Variants in TCF7L2 observed in about 807,000 individuals in gnomAD.
TCF7L2 encodes the protein transcription factor 7 like 2.
Under a neutral mutation model 77.9 loss-of-function variants are expected in TCF7L2, and 23 were observed. That is an observed-to-expected ratio of 0.30 (90% CI 0.21 to 0.42). The LOEUF (loss-of-function observed/expected upper bound fraction) is 0.42. TCF7L2 is among the 10% of genes least tolerant of loss of function. The pLI is 1.00. For synonymous variants in TCF7L2, 413 were observed against 340.2 expected (o/e 1.21, Z -2.36); for missense variants, 654 against 793.1 (o/e 0.82, Z 2.11).
chr10:113,015,470 G>A (rs2047182309), intron 4 of TCF7L2, among the ~76,000 whole-genome samples: 1 of 115,504 alleles, frequency 8.7e-6, no homozygotes, highest in South Asian at 2.8e-4. Flanking sequence ...TTTTTTTTGA[G>A]ATCAGGTTCA....
At chr10:113,099,853 A>G (rs571278352) in intron 5 of TCF7L2, among the ~76,000 whole-genome samples, 30 of 150,512 alleles carry the variant, frequency 2.0e-4, no homozygotes, top group African/African-American at 4.9e-4. Flanking sequence ...GAAATTGGAG[A>G]GGAGGGGAGG....
intron 5 of TCF7L2, among the ~76,000 whole-genome samples, chr10:113,055,231 A>C (rs1348085049): frequency 6.6e-6 from 1 of 152,232 alleles, no homozygotes; most frequent in Non-Finnish European, 1.5e-5. Context: ...TGGATCAATG[A>C]GTATTTCCAT....
rs144831918 is a variant in TCF7L2 at position 113,164,189 on chromosome 10, A to C, written c.1392-1366A>C. ...TCCTTACCAAATACCATCCCATCAG[A>C]CTGGGATTAATGGGAGGAGAAGCTT... is the stretch of plus-strand genomic sequence containing the variant. On this transcript the variant is annotated intron_variant, in intron 13 of 13. Coordinates refer to ENST00000627217, the MANE Select transcript of TCF7L2 (RefSeq NM_001146274.2). Among the ~76,000 whole-genome samples, 196 of 152,230 alleles carry C rather than the reference A, an allele frequency of 1.3e-3. 1 individual carries two copies. The highest frequency in any genetic ancestry group is 4.5e-3 in the African/African-American group (187 of 41,530).
chr10:113,124,947 T>A lies in TCF7L2; in HGVS notation c.553-16237T>A, dbSNP rs1337054204. Among the ~76,000 whole-genome samples the A allele has an allele frequency of 1.3e-5, 2 of 151,930 alleles. 1 individual carries two copies. Among genetic ancestry groups the A allele is most frequent in the Non-Finnish European group, 2.9e-5 (2 of 67,980 alleles). On this transcript the variant is annotated intron_variant, in intron 5 of 13. Coordinates refer to ENST00000627217, the MANE Select transcript of TCF7L2 (RefSeq NM_001146274.2). ...GCATGTATCAGAGGCTTTCGTTGAG[T>A]TGTGTTGTTTCCTGTGTGTTTATGA...
At chr10:113,107,536 A>G (rs1018261532) in intron 5 of TCF7L2, among the ~76,000 whole-genome samples, 3 of 151,340 alleles carry the variant, frequency 2.0e-5, no homozygotes, top group African/African-American at 2.4e-5. Flanking sequence ...GAGGTCAGGA[A>G]ATCGAGACCA....
intron 5 of TCF7L2, among the ~76,000 whole-genome samples, chr10:113,054,152 T>A (rs1332002731): frequency 6.6e-6 from 1 of 152,180 alleles, no homozygotes; most frequent in Non-Finnish European, 1.5e-5. Flanking sequence ...TATGAACTCA[T>A]GGCAAAAGAA....
At chr10:112,960,506 C>G (rs573300885) in intron 3 of TCF7L2, among the ~76,000 whole-genome samples, 1 of 152,052 alleles carries the variant, frequency 6.6e-6, no homozygotes, top group East Asian at 1.9e-4. Flanking sequence ...ATGGAAAATA[C>G]GCTGGAGTTC....
chr10:113,002,110 T>G (rs1038477809), intron 4 of TCF7L2, among the ~76,000 whole-genome samples: 1 of 152,164 alleles, frequency 6.6e-6, no homozygotes, highest in Non-Finnish European at 1.5e-5. Flanking sequence ...AAGGAAAAAC[T>G]GTGACTTATG....
At chr10:112,964,097 G>A (rs914236866) in intron 3 of TCF7L2, among the ~76,000 whole-genome samples, 9 of 152,106 alleles carry the variant, frequency 5.9e-5, no homozygotes, top group Non-Finnish European at 1.0e-4. Context: ...GAAATATGGG[G>A]ATGGGGTGCT....
intron 4 of TCF7L2, among the ~76,000 whole-genome samples, chr10:112,998,186 A>G (rs372854862): frequency 6.6e-5 from 10 of 150,626 alleles, no homozygotes; most frequent in African/African-American, 2.2e-4. Context: ...AGGTGCTCTC[A>G]CCTCAGCCTC....
intron 5 of TCF7L2, among the ~76,000 whole-genome samples, chr10:113,053,189 AAGTG>A (rs1451052672): frequency 2.0e-5 from 3 of 152,142 alleles, no homozygotes; most frequent in Non-Finnish European, 2.9e-5. Context: ...TGTGTGGAAT[AAGTG>A]AGTGGGTAGA....
At chr10:113,044,316 G>A (rs1323391280) in intron 5 of TCF7L2, among the ~76,000 whole-genome samples, 5 of 152,256 alleles carry the variant, frequency 3.3e-5, no homozygotes, top group African/African-American at 9.6e-5. Flanking sequence ...TTTCGAGGAA[G>A]CTCAGAGGGC....
At chr10:113,142,978 A>G (rs978693415) in intron 6 of TCF7L2, among the ~76,000 whole-genome samples, 1 of 152,256 alleles carries the variant, frequency 6.6e-6, no homozygotes, top group African/African-American at 2.4e-5. Context: ...ACAGATTAAA[A>G]GCTTCCTGAA....
At chr10:113,126,599 G>A (rs1051055365) in intron 5 of TCF7L2, 3 of 985,176 alleles carry the variant, frequency 3.0e-6, no homozygotes, top group East Asian at 1.1e-4. Flanking sequence ...TTGTGGGGGG[G>A]TGGGTTGTTG....
intron 5 of TCF7L2, among the ~76,000 whole-genome samples, chr10:113,125,139 CTG>C (rs1403254375): frequency 2.0e-5 from 3 of 151,962 alleles, no homozygotes. Context: ...ATTTACTGTG[CTG>C]TCTTTCCTGA....
chr10:113,000,360 G>A (rs538712421), intron 4 of TCF7L2, among the ~76,000 whole-genome samples: 1 of 152,308 alleles, frequency 6.6e-6, no homozygotes, highest in African/African-American at 2.4e-5. Flanking sequence ...AGGTTCTGGA[G>A]GGAAGAAGAA....
chr10:113,101,123 C>G (rs1370524335), intron 5 of TCF7L2, among the ~76,000 whole-genome samples: 1 of 152,138 alleles, frequency 6.6e-6, no homozygotes, highest in East Asian at 1.9e-4. Context: ...TTATCCTTCT[C>G]AGTGTTTAAT....
chr10:113,144,216 G>A (rs2068912331), intron 7 of TCF7L2, among the ~76,000 whole-genome samples, 191 bp downstream of exon 7: 1 of 151,660 alleles, frequency 6.6e-6, no homozygotes, highest in Admixed American at 6.6e-5. Flanking sequence ...GTGTCCTGTG[G>A]GAATACAGGC....
chr10:113,025,723 C>T (rs1488943685), intron 4 of TCF7L2, among the ~76,000 whole-genome samples: 1 of 151,994 alleles, frequency 6.6e-6, no homozygotes, highest in Non-Finnish European at 1.5e-5. Flanking sequence ...ACAGCCTTTA[C>T]TGTTATTATC....
Sources: allele counts gnomAD v4.1 joint callset (sites outside exome capture counted in the v4.1 genomes callset), GRCh38; gene constraint gnomAD v4.1.1; transcripts MANE v1.5; gene names NCBI Gene and HGNC (gene_info 2026-07-23, HGNC 2026-07-21).